Variants in GRIA3 observed in about 807,000 individuals in gnomAD.
GRIA3 encodes glutamate ionotropic receptor AMPA type subunit 3.
Under a neutral mutation model 63.0 loss-of-function variants are expected in GRIA3, and 3 were observed. The observed-to-expected ratio is 0.05, with a 90% CI of 0.02 to 0.12. The LOEUF (loss-of-function observed/expected upper bound fraction) is 0.12, where lower values mean the gene tolerates loss of function less well. Among genes scored for constraint, GRIA3 ranks in the 10% least tolerant of loss-of-function variants. The pLI, the probability that GRIA3 is intolerant of heterozygous loss-of-function variation, is 1.00. For synonymous variants in GRIA3, 274 were observed against 257.9 expected (o/e 1.06, Z -0.60); for missense variants, 347 against 700.9 (o/e 0.50, Z 5.70).
chrX:123,252,066 T>C (rs2044393601), intron 2 of GRIA3, among the ~76,000 whole-genome samples: 1 of 112,029 alleles, frequency 8.9e-6, no homozygotes, highest in Non-Finnish European at 1.9e-5. Context: ...CTCAACGTCT[T>C]CACTGTTTCT....
intron 12 of GRIA3, among the ~76,000 whole-genome samples, chrX:123,452,633 G>A (rs2045739283): frequency 8.9e-6 from 1 of 111,987 alleles, no homozygotes. Context: ...AATAACAATA[G>A]TATTGAACTT....
chrX:123,254,487 C>T (rs2044408523), intron 3 of GRIA3, among the ~76,000 whole-genome samples: 1 of 110,878 alleles, frequency 9.0e-6, no homozygotes, highest in African/African-American at 3.3e-5. Context: ...CATTTATAGG[C>T]TGGGGGTGGT....
In GRIA3 at chrX:123,404,688, T is replaced by C. The variant is rs922116205; in HGVS notation, c.1294-20T>C. On this transcript the variant is annotated intron_variant, in intron 9 of 15. Coordinates refer to ENST00000620443, the MANE Select transcript of GRIA3 (RefSeq NM_007325.5). ...AAAATGTATAGGAGTAATCCTTTTA[T>C]CTTGCTTCTGGTCCCAAAGGAATCA... 5 of 1,108,053 alleles carry C rather than the reference T, an allele frequency of 4.5e-6. No individual in the cohort carries two copies. In the African/African-American group the frequency reaches 7.2e-5, roughly 16 times the overall value. 91.3% of individuals were successfully genotyped at this position (1,108,053 alleles called of 1,213,427 possible).
intron 4 of GRIA3, among the ~76,000 whole-genome samples, chrX:123,341,710 T>G (rs1802240792): frequency 8.9e-6 from 1 of 112,499 alleles, no homozygotes; most frequent in African/African-American, 3.2e-5. Context: ...ATACAGGTAT[T>G]GTGCTAAACA....
chrX:123,346,442 C>T (rs1330370837), intron 4 of GRIA3, among the ~76,000 whole-genome samples: 1 of 111,876 alleles, frequency 8.9e-6, no homozygotes, highest in African/African-American at 3.2e-5. Flanking sequence ...AAAATCTTTC[C>T]CCTAGTGTGT....
At chrX:123,485,834 T>G (rs1274140800) in intron 15 of GRIA3, among the ~76,000 whole-genome samples, 1 of 111,035 alleles carries the variant, frequency 9.0e-6, no homozygotes, top group Non-Finnish European at 1.9e-5. Context: ...CATCAAACAT[T>G]AGTGTGCATG....
chrX:123,271,466 G>A (rs2044521851), intron 3 of GRIA3, among the ~76,000 whole-genome samples: 1 of 111,844 alleles, frequency 8.9e-6, no homozygotes, highest in African/African-American at 3.3e-5. Flanking sequence ...CTAATGAGCA[G>A]TGAACGCGGG....
At chrX:123,274,543 A>C (rs764201175) in intron 3 of GRIA3, among the ~76,000 whole-genome samples, 4 of 111,486 alleles carry the variant, frequency 3.6e-5, no homozygotes, top group African/African-American at 6.5e-5. Context: ...CTCATCACCA[A>C]CCCCTCCTCC....
chrX:123,243,778 CCACA>C (rs2044343171), intron 2 of GRIA3, among the ~76,000 whole-genome samples: 1 of 111,677 alleles, frequency 9.0e-6, no homozygotes, highest in Admixed American at 9.5e-5. Flanking sequence ...CCAGACACTG[CCACA>C]CACTAGGAAC....
intron 3 of GRIA3, among the ~76,000 whole-genome samples, chrX:123,278,347 C>T (rs951059296): frequency 4.5e-5 from 5 of 112,182 alleles, no homozygotes; most frequent in African/African-American, 1.6e-4. Context: ...GTATAGTGTG[C>T]AAATATTTTC....
intron 5 of GRIA3, among the ~76,000 whole-genome samples, chrX:123,365,699 A>C (rs188268111): frequency 4.4e-4 from 49 of 112,253 alleles, no homozygotes; most frequent in African/African-American, 1.4e-3. Flanking sequence ...TTGTACTTCA[A>C]AATCACCTGT....
chrX:123,378,412 C>CTTT (rs58776257), intron 5 of GRIA3, among the ~76,000 whole-genome samples: 16 of 95,289 alleles, frequency 1.7e-4, no homozygotes, highest in South Asian at 4.8e-4. Flanking sequence ...ACTTGAGGCA[C>CTTT]TTTTTTTTTT....
chrX:123,441,324 G>A (rs1248030155), intron 12 of GRIA3, among the ~76,000 whole-genome samples: 2 of 111,319 alleles, frequency 1.8e-5, no homozygotes, highest in African/African-American at 6.5e-5. Context: ...TGGGGGAGAA[G>A]GATTTAGGAG....
At chrX:123,199,839 C>G (rs1160560637) in intron 2 of GRIA3, among the ~76,000 whole-genome samples, 1 of 111,925 alleles carries the variant, frequency 8.9e-6, no homozygotes, top group Non-Finnish European at 1.9e-5. Context: ...ACCCTCTGAT[C>G]TATAGTCAAA....
intron 5 of GRIA3, among the ~76,000 whole-genome samples, chrX:123,369,580 T>C (rs1248319716): frequency 8.9e-6 from 1 of 112,174 alleles, no homozygotes; most frequent in Non-Finnish European, 1.9e-5. Flanking sequence ...CAATAATGTC[T>C]AGCGATATGT....
chrX:123,446,816 A>G (rs2045705225), intron 12 of GRIA3, among the ~76,000 whole-genome samples: 1 of 111,633 alleles, frequency 9.0e-6, no homozygotes, highest in South Asian at 3.8e-4. Flanking sequence ...TTGATTGATC[A>G]GAGCTGGGAT....
At chrX:123,312,420 G>A (rs2044800518) in intron 3 of GRIA3, among the ~76,000 whole-genome samples, 1 of 112,007 alleles carries the variant, frequency 8.9e-6, no homozygotes, top group Admixed American at 9.5e-5. Flanking sequence ...TTGTGGGATG[G>A]AAGTGAGGCT....
intron 3 of GRIA3, among the ~76,000 whole-genome samples, chrX:123,301,147 GT>G (rs2044720374): frequency 9.0e-6 from 1 of 111,079 alleles, no homozygotes; most frequent in African/African-American, 3.3e-5. Context: ...ATATTCTGTT[GT>G]TTTTGGGTAG....
intron 7 of GRIA3, among the ~76,000 whole-genome samples, chrX:123,402,369 TA>T (rs2045447740): frequency 1.1e-5 from 1 of 95,032 alleles, no homozygotes; most frequent in African/African-American, 3.9e-5. Flanking sequence ...CATACTGTTC[TA>T]AACATTACGT....
Sources: allele counts gnomAD v4.1 joint callset (sites outside exome capture counted in the v4.1 genomes callset), GRCh38; gene constraint gnomAD v4.1.1; transcripts MANE v1.5; gene names NCBI Gene and HGNC (gene_info 2026-07-23, HGNC 2026-07-21).